The following TCIRG1 variants were observed in gnomAD, a reference collection of about 807,000 sequenced individuals.
The protein encoded by TCIRG1 is T cell immune regulator 1, ATPase H+ transporting V0 subunit a3, also known as V-type proton ATPase 116 kDa subunit a 3.
Under a neutral mutation model 95.5 loss-of-function variants are expected in TCIRG1, and 86 were observed. That is an observed-to-expected ratio of 0.90 (90% CI 0.76 to 1.08). TCIRG1 has a LOEUF of 1.08. TCIRG1 is among the 50% of genes least tolerant of loss of function. The pLI, the probability that TCIRG1 is intolerant of heterozygous loss-of-function variation, is 0.00. For synonymous variants in TCIRG1, 499 were observed against 501.3 expected (o/e 1.00, Z 0.06); for missense variants, 1,069 against 1,140.2 (o/e 0.94, Z 0.90).
chr11:68,051,560 G>A (rs967749325), downstream of TCIRG1, among the ~76,000 whole-genome samples: 1 of 152,244 alleles, frequency 6.6e-6, no homozygotes, highest in African/African-American at 2.4e-5. Flanking sequence ...CCAACAAGCT[G>A]CAAAGTGGTT....
chr11:68,049,843 G>A (rs1352761871), intron 16 of TCIRG1, 55 bp downstream of exon 16: 37 of 1,555,872 alleles, frequency 2.4e-5, no homozygotes, highest in African/African-American at 2.7e-5. Context: ...GCCACTGTCC[G>A]GTGTGTCCCT....
In TCIRG1 at chr11:68,047,473, G is replaced by T; in HGVS notation, c.1206G>T (p.Val402=). The part of the protein sequence containing the change: ...TIITFPFLFA[V]MFGDVGHGLL... Reference sequence around the variant, plus strand: ...TCACCTTCCCCTTCCTGTTTGCTGTGATGTTCGGGGATGTGGGCCACGGGC... The same window carrying T: ...TCACCTTCCCCTTCCTGTTTGCTGTTATGTTCGGGGATGTGGGCCACGGGC... Residue 402 remains valine (V), a synonymous_variant, in exon 11 of 20, where the codon GTG becomes GTT. Coordinates refer to ENST00000265686, the MANE Select transcript of TCIRG1 (RefSeq NM_006019.4). 6.2e-7 allele frequency: 1 copy of T among 1,614,078 alleles called. No homozygotes were observed. Among genetic ancestry groups the T allele is most frequent in the Non-Finnish European group, 8.5e-7 (1 of 1,180,014 alleles).
chr11:68,048,845 C>T, intron 13 of TCIRG1, 34 bp from the exon 14 acceptor site: 2 of 1,475,816 alleles, frequency 1.4e-6, no homozygotes, highest in Non-Finnish European at 1.9e-6. Context: ...GCGAGGGAGC[C>T]CCTGAGTCCA....
At chr11:68,044,820 C>T (rs770296281) in intron 9 of TCIRG1, 138 bp from the exon 10 acceptor site, 3 of 1,097,038 alleles carry the variant, frequency 2.7e-6, no homozygotes, top group East Asian at 5.1e-5. Context: ...GGCTGATCAT[C>T]TCACGTCAGA....
chr11:68,049,107 T>C lies in TCIRG1; in HGVS notation c.1700T>C (p.Leu567Pro), dbSNP rs1855656467. 6.2e-7 allele frequency: 1 copy of C among 1,613,614 alleles called. No individual in the cohort carries two copies. Among genetic ancestry groups the C allele is most frequent in the African/African-American group, 1.3e-5 (1 of 74,944 alleles). The change falls in exon 15 of 20, where the codon CTG (leucine) becomes CCG (proline). Residue 567 changes from leucine to proline, a missense_variant. Transcript: ENST00000265686. ...HVHFGQRHRL[L>P]LETLPELTFL... Reference sequence around the variant, plus strand: ...CACTTTGGCCAGAGGCACCGGCTGCTGCTGGAGACGCTGCCGGAGCTCACC... The same window carrying C: ...CACTTTGGCCAGAGGCACCGGCTGCCGCTGGAGACGCTGCCGGAGCTCACC...
chr11:68,048,573 C>T (rs1356870270), intron 13 of TCIRG1, among the ~76,000 whole-genome samples: 1 of 152,190 alleles, frequency 6.6e-6, no homozygotes, highest in Admixed American at 6.5e-5. Context: ...GGATTACAGG[C>T]GTGAGTCACC....
chr11:68,053,555 G>C (rs553457053), downstream of TCIRG1: 4 of 177,298 alleles, frequency 2.3e-5, no homozygotes, highest in African/African-American at 9.5e-5. Flanking sequence ...AGTGAGCACC[G>C]TCTATAACAC....
chr11:68,045,034 G>A lies in TCIRG1; in HGVS notation c.1097G>A (p.Arg366His), dbSNP rs369983011. 78 of 1,607,246 alleles carry A rather than the reference G, an allele frequency of 4.9e-5. No homozygotes were observed. In the African/African-American group the frequency reaches 5.9e-4, roughly 12 times the overall value. The change falls in exon 10 of 20, where the codon CGC (arginine) becomes CAC (histidine). Residue 366 changes from arginine to histidine, a missense_variant. Coordinates refer to ENST00000265686, the MANE Select transcript of TCIRG1 (RefSeq NM_006019.4). ...DMPPTLIRTNRFTASFQGIVD... is the reference protein window; with the variant it reads ...DMPPTLIRTNHFTASFQGIVD... ...CCCCCCACACTCATCCGCACCAACC[G>A]CTTCACGGCCAGCTTCCAGGGCATC...
intron 9 of TCIRG1, among the ~76,000 whole-genome samples, 196 bp downstream of exon 9, chr11:68,044,540 C>T (rs911771090): frequency 6.6e-6 from 1 of 152,218 alleles, no homozygotes; most frequent in African/African-American, 2.4e-5. Flanking sequence ...CCTACCCTGA[C>T]TTTCCTAAGT....
intron 5 of TCIRG1, 51 bp from the exon 6 acceptor site, chr11:68,043,320 G>A (rs1185194739): frequency 2.0e-6 from 3 of 1,527,848 alleles, no homozygotes; most frequent in African/African-American, 2.8e-5. Context: ...GCCTGGTGGG[G>A]GAGGCAGGGC....
Position 68,050,124 on chromosome 11 carries a change from A to T in TCIRG1, c.2119-13A>T, listed in dbSNP as rs886048600. 6.2e-7 allele frequency: 1 copy of T among 1,611,652 alleles called. No homozygotes were observed. The highest frequency in any genetic ancestry group is 8.5e-7 in the Non-Finnish European group (1 of 1,179,676). ...CTGAGGCCCTGCCGGCCCTCACTGC[A>T]CCCGCCCCGCAGCTCGTCCCCTCCG... On this transcript the variant is annotated splice_polypyrimidine_tract_variant and intron_variant, in intron 17 of 19. Coordinates refer to ENST00000265686, the MANE Select transcript of TCIRG1 (RefSeq NM_006019.4).
chr11:68,047,451 C>T lies in TCIRG1; in HGVS notation c.1184C>T (p.Thr395Ile), dbSNP rs749063696. ...EVNPAPYTII[T>I]FPFLFAVMFG... is the part of the protein sequence containing the mutation. ...CCCACAGCTCCCTACACCATCATCACCTTCCCCTTCCTGTTTGCTGTGATG... is the reference window on the plus strand; with the variant it reads ...CCCACAGCTCCCTACACCATCATCATCTTCCCCTTCCTGTTTGCTGTGATG... The change falls in exon 11 of 20, where the codon ACC (threonine) becomes ATC (isoleucine). Residue 395 changes from threonine to isoleucine, a missense_variant. Coordinates refer to ENST00000265686, the MANE Select transcript of TCIRG1 (RefSeq NM_006019.4). The T allele has an allele frequency of 1.2e-6, 2 of 1,614,094 alleles. No individual in the cohort carries two copies. Among genetic ancestry groups the T allele is most frequent in the South Asian group, 2.2e-5 (2 of 91,074 alleles).
chr11:68,040,992 T>G (rs1175366536), intron 1 of TCIRG1, among the ~76,000 whole-genome samples: 1 of 152,024 alleles, frequency 6.6e-6, no homozygotes, highest in Non-Finnish European at 1.5e-5. Context: ...TGGGAGACGC[T>G]GGAGGTAGGG....
chr11:68,048,528 A>G (rs1201331438), intron 13 of TCIRG1, among the ~76,000 whole-genome samples: 1 of 152,150 alleles, frequency 6.6e-6, no homozygotes, highest in Non-Finnish European at 1.5e-5. Context: ...TCCTGACCTC[A>G]TGTGATCCAC....
intron 5 of TCIRG1, 138 bp from the exon 6 acceptor site, chr11:68,043,230 GCCT>G (rs1831199904): frequency 6.8e-7 from 1 of 1,474,020 alleles, no homozygotes; most frequent in South Asian, 1.4e-5. Flanking sequence ...TGCCCGGGAG[GCCT>G]CCTGCCTTCC....
In TCIRG1 at chr11:68,050,622, TGGAG is replaced by T. The variant is rs1189520104; in HGVS notation, c.2376_2379del (p.Glu792AspfsTer28). 4 of 1,613,330 alleles carry T rather than the reference TGGAG, an allele frequency of 2.5e-6. No individual in the cohort carries two copies. The highest frequency in any genetic ancestry group is 3.4e-6 in the Non-Finnish European group (4 of 1,180,030). On this transcript the variant is annotated frameshift_variant, in exon 19 of 20. Transcript: ENST00000265686. LOFTEE classifies it high-confidence loss of function. Reference sequence around the variant, plus strand: ...ATGACCGTGGCTATCCTGCTGGTGATGGAGGGACTCTCAGCCTTCCTGCACGCCC... The same window carrying T: ...ATGACCGTGGCTATCCTGCTGGTGATGGACTCTCAGCCTTCCTGCACGCCC...
At chr11:68,049,367 C>A in intron 15 of TCIRG1, 73 bp downstream of exon 15, 1 of 1,448,100 alleles carries the variant, frequency 6.9e-7, no homozygotes, top group Admixed American at 2.0e-5. Context: ...CCACTGGGAG[C>A]TGCAAGATCC....
In TCIRG1 at chr11:68,049,302, G is replaced by T. The variant is rs374857245; in HGVS notation, c.1887+8G>T. On this transcript the variant is annotated splice_region_variant and intron_variant, in intron 15 of 19. Coordinates refer to ENST00000265686, the MANE Select transcript of TCIRG1 (RefSeq NM_006019.4). ...CTGCTCTACCCCCGGCAGGTGGGCT[G>T]CGGCTGGTGGGGGCCGGGCTCACAC... is the stretch of plus-strand genomic sequence containing the variant. 4 of 1,603,758 alleles carry T rather than the reference G, an allele frequency of 2.5e-6. No homozygotes were observed. In the African/African-American group the frequency reaches 4.0e-5, roughly 16 times the overall value.
At chr11:68,048,207 G>C in intron 13 of TCIRG1, 1 of 614,640 alleles carries the variant, frequency 1.6e-6, no homozygotes, top group Non-Finnish European at 2.9e-6. Flanking sequence ...AGTGTGCAGA[G>C]GCAAAGCGAG....
Sources: allele counts gnomAD v4.1 joint callset (sites outside exome capture counted in the v4.1 genomes callset), GRCh38; gene constraint gnomAD v4.1.1; transcripts MANE v1.5; gene names NCBI Gene and HGNC (gene_info 2026-07-23, HGNC 2026-07-21).